C1QTNF5: variants seen among roughly 807,000 people sequenced by gnomAD.
The protein encoded by C1QTNF5 is C1q and TNF related 5.
C1QTNF5 carries 5 observed loss-of-function variants against 10.9 expected under a neutral mutation model. That is an observed-to-expected ratio of 0.46 (90% confidence interval 0.24 to 0.97). The LOEUF (loss-of-function observed/expected upper bound fraction) is 0.97. Ranked by LOEUF, C1QTNF5 falls within the 50% of genes least tolerant of loss-of-function variation. The probability of loss-of-function intolerance (pLI) is 0.19; values close to 1 mark genes in which losing one functional copy is unlikely to be tolerated. For synonymous variants in C1QTNF5, 161 were observed against 156.5 expected, an observed-to-expected ratio of 1.03 and a Z score of -0.22; for missense variants, 281 against 339.4, an observed-to-expected ratio of 0.83 and a Z score of 1.35.
At chr11:119,342,915 C>G (rs1752828216), upstream of C1QTNF5, 3 of 1,612,876 alleles carry the variant, frequency 1.9e-6, no homozygotes, top group South Asian at 3.3e-5. Flanking sequence ...GAGAAGCCTC[C>G]ACTGCTGATG....
At chr11:119,344,170 T>A (rs2135371145), upstream of C1QTNF5, 1 of 964,752 alleles carries the variant, frequency 1.0e-6, no homozygotes, top group South Asian at 1.4e-5. Context: ...AGGCACTTAA[T>A]AATATTCCCC....
At chr11:119,344,040 C>A (rs1361962398), upstream of C1QTNF5, 4 of 1,583,536 alleles carry the variant, frequency 2.5e-6, no homozygotes, top group South Asian at 2.2e-5. Flanking sequence ...GGGTCTTCTT[C>A]CCCCACTGCT....
In C1QTNF5 at chr11:119,339,815, C is replaced by T. The variant is rs577592067; in HGVS notation, c.248G>A (p.Arg83Gln). 5 of 1,520,486 alleles carry T rather than the reference C, an allele frequency of 3.3e-6. No individual in the cohort carries two copies. The South Asian group carries it at 3.7e-5, about 11-fold the overall frequency. The allele number at this position is 1,520,486 out of a possible 1,614,324, so 94.2% of individuals were successfully genotyped here. The stretch of plus-strand genomic sequence containing the variant: ...GGGCCCCGCGGGTCCCGCCTCTCCT[C>T]GCGGCCCGGGGTCCCCTCGAGGTCC... The part of the protein sequence containing the change: ...LPGPRGDPGP[R>Q]GEAGPAGPTG... The change falls in exon 3 of 3, where the codon CGA becomes CAA. Residue 83 changes from arginine to glutamine, a missense_variant. Transcript: ENST00000528368. The surrounding 1 kb of genome is among the most constrained non-coding windows in gnomAD (Gnocchi z 5.4).
chr11:119,343,911 G>T (rs780357123), upstream of C1QTNF5: 4 of 1,613,836 alleles, frequency 2.5e-6, no homozygotes, highest in South Asian at 4.4e-5. Context: ...TGAAGTTGTG[G>T]AACTGTAGTT....
Position 119,339,740 on chromosome 11 carries a change from G to T in C1QTNF5, c.323C>A (p.Ala108Asp). Residue 108 changes from alanine (A) to aspartate (D), a missense_variant, in exon 3 of 3, where the codon GCC becomes GAC. Physicochemically the swap from Ala to Asp is moderately radical, Grantham distance 126. Coordinates refer to ENST00000528368, the MANE Select transcript of C1QTNF5 (RefSeq NM_001278431.2). This position sits in a 1 kb window ranked among gnomAD's most constrained non-coding sequence, Gnocchi z 5.4. The part of the protein sequence containing the change: ...CSVPPRSAFS[A>D]KRSESRVPPP... ...AGGCACCCGGCTCTCGGAGCGCTTGGCGCTGAAGGCGGATCGCGGAGGCAC... is the reference window on the plus strand; with the variant it reads ...AGGCACCCGGCTCTCGGAGCGCTTGTCGCTGAAGGCGGATCGCGGAGGCAC... 1.3e-6 allele frequency: 2 copies of T among 1,597,166 alleles called. No individual in the cohort carries two copies. Among genetic ancestry groups the T allele is most frequent in the Non-Finnish European group, 1.7e-6 (2 of 1,177,770 alleles).
In C1QTNF5 at chr11:119,340,332, G is replaced by C. The variant is rs761587369; in HGVS notation, c.66C>G (p.Asn22Lys). ...LAAGSPPLDD[N>K]KIPSLCPGHP... Reference sequence around the variant, plus strand: ...GCCCCGGGCAGAGGCTGGGGATCTTGTTGTCGTCCAGTGGGGGCGAGCCGG... The same window carrying C: ...GCCCCGGGCAGAGGCTGGGGATCTTCTTGTCGTCCAGTGGGGGCGAGCCGG... The change falls in exon 2 of 3, where the codon AAC becomes AAG. Residue 22 changes from asparagine (N) to lysine (K), a missense_variant. Coordinates refer to ENST00000528368, the MANE Select transcript of C1QTNF5 (RefSeq NM_001278431.2). 3.9e-6 allele frequency: 6 copies of C among 1,543,190 alleles called. No individual in the cohort carries two copies. Among genetic ancestry groups the C allele is most frequent in the Admixed American group, 2.0e-5 (1 of 50,728 alleles).
upstream of C1QTNF5, chr11:119,342,756 CG>C (rs1565293240): frequency 6.2e-7 from 1 of 1,613,338 alleles, no homozygotes; most frequent in Non-Finnish European, 8.5e-7. Flanking sequence ...TGGCAGTGCC[CG>C]GGGACATACC....
At chr11:119,345,857 T>G (rs778211301), upstream of C1QTNF5, 13 of 1,613,084 alleles carry the variant, frequency 8.1e-6, no homozygotes, top group East Asian at 6.7e-5. Context: ...GTGGGGGTGG[T>G]GGTGGTCGTG....
At chr11:119,346,073 C>T in the C1QTNF5 span, 1 of 1,610,330 alleles carries the variant, frequency 6.2e-7, no homozygotes, top group Admixed American at 1.7e-5. Flanking sequence ...ACCAGCAGCC[C>T]AAGCAGCAGG....
upstream of C1QTNF5, chr11:119,342,811 C>G: frequency 6.2e-7 from 1 of 1,613,130 alleles, no homozygotes; most frequent in South Asian, 1.1e-5. Flanking sequence ...GGGTCCAGAG[C>G]CCTTGTCTGT....
At position 119,339,908 on chromosome 11, in the gene C1QTNF5, G is replaced by A; in HGVS notation, c.215-60C>T. The A allele has an allele frequency of 1.4e-6, 2 of 1,429,276 alleles. No individual in the cohort carries two copies. Among genetic ancestry groups the A allele is most frequent in the Admixed American group, 2.9e-5 (1 of 34,192 alleles). The allele number at this position is 1,429,276 out of a possible 1,614,324, so 88.5% of individuals were successfully genotyped here. ...CGGCGGCTCAGCCCGCAGCGGGGCG[G>A]CGACTCTAAGGTCACCGTACCCCTC... On this transcript the variant is annotated intron_variant, in intron 2 of 2. Transcript: ENST00000528368. The surrounding 1 kb of genome is among the most constrained non-coding windows in gnomAD (Gnocchi z 5.4).
At position 119,340,825 on chromosome 11, in the gene C1QTNF5, T is replaced by G; in HGVS notation, c.-174A>C. On this transcript the variant is annotated 5_prime_UTR_variant, in exon 1 of 3. Transcript: ENST00000528368. ...TGCCCTGCCGTCACCCCAGTCCTGG[T>G]TCGCTCCCTGCCGGCTCCGCTTTCC... is the stretch of plus-strand genomic sequence containing the variant. The G allele has an allele frequency of 4.9e-6, 1 of 206,184 alleles. No homozygotes were observed. Among genetic ancestry groups the G allele is most frequent in the Non-Finnish European group, 9.7e-6 (1 of 103,386 alleles). 12.8% of individuals were successfully genotyped at this position (206,184 alleles called of 1,614,324 possible). A position where few individuals can be genotyped will look rare whatever the true frequency, so the allele number is the denominator to read the frequency against.
chr11:119,343,776 G>C (rs767902547), upstream of C1QTNF5: 11 of 1,612,844 alleles, frequency 6.8e-6, no homozygotes, highest in Non-Finnish European at 9.3e-6. Flanking sequence ...GGCAGACAGT[G>C]AGGATGGAGT....
chr11:119,344,886 C>T (rs772518700), upstream of C1QTNF5: 3 of 1,612,994 alleles, frequency 1.9e-6, no homozygotes, highest in Non-Finnish European at 2.5e-6. Context: ...CGCCCAGGGG[C>T]CATAGCCTGG....
upstream of C1QTNF5, among the ~76,000 whole-genome samples, chr11:119,343,244 C>CT (rs574676288): frequency 1.1e-3 from 173 of 152,362 alleles, no homozygotes; most frequent in African/African-American, 4.0e-3. Context: ...GGCATTGTGG[C>CT]TCACACCTGT....
At chr11:119,340,566 C>G in intron 1 of C1QTNF5, 126 bp from the exon 2 acceptor site, 2 of 692,850 alleles carry the variant, frequency 2.9e-6, no homozygotes, top group Admixed American at 2.8e-5. Context: ...CTCGCAGGGC[C>G]GAGCATCCGG....
At chr11:119,341,893 G>A, upstream of C1QTNF5, 1 of 1,614,076 alleles carries the variant, frequency 6.2e-7, no homozygotes, top group Non-Finnish European at 8.5e-7. Context: ...CCTCCTCCTG[G>A]GTGATCATGC....
At chr11:119,345,830 C>T, upstream of C1QTNF5, 3 of 1,613,894 alleles carry the variant, frequency 1.9e-6, no homozygotes, top group Non-Finnish European at 2.5e-6. Flanking sequence ...GTCCCAGCTG[C>T]CTGAGAGGTG....
At chr11:119,344,052 G>A (rs1950531895), upstream of C1QTNF5, 1 of 1,526,864 alleles carries the variant, frequency 6.5e-7, no homozygotes, top group Non-Finnish European at 9.0e-7. Context: ...CCCACTGCTG[G>A]CTGGGGGGAT....
Sources: allele counts gnomAD v4.1 joint callset (sites outside exome capture counted in the v4.1 genomes callset), GRCh38; gene constraint gnomAD v4.1.1; non-coding constraint Gnocchi (gnomAD v3.1); transcripts MANE v1.5; gene names NCBI Gene and HGNC (gene_info 2026-07-23, HGNC 2026-07-21).